The following DNAJC16 variants were observed in gnomAD, a reference collection of about 807,000 sequenced individuals.
DNAJC16 encodes DnaJ heat shock protein family (Hsp40) member C16, also known as dnaJ homolog subfamily C member 16.
Under a neutral mutation model 92.7 loss-of-function variants are expected in DNAJC16, and 76 were observed. The ratio of observed to expected loss-of-function variants is 0.82; its 90% confidence interval spans 0.68 to 0.99. The LOEUF (loss-of-function observed/expected upper bound fraction) is 0.99. Among genes scored for constraint, DNAJC16 ranks in the 50% least tolerant of loss-of-function variants. The pLI is 0.00. For missense variants in DNAJC16, 869 were observed against 942.4 expected, an observed-to-expected ratio of 0.92 and a Z score of 1.02; for synonymous variants, 328 against 358.7, an observed-to-expected ratio of 0.91 and a Z score of 0.97.
chr1:15,546,635 A>G, intron 5 of DNAJC16, 132 bp from the exon 6 acceptor site: 1 of 656,298 alleles, frequency 1.5e-6, no homozygotes, highest in Non-Finnish European at 2.6e-6. Context: ...GAAGACAAAA[A>G]GATTAGTTAT....
intron 1 of DNAJC16, among the ~76,000 whole-genome samples, chr1:15,527,972 A>G (rs1710559587): frequency 6.6e-6 from 1 of 152,246 alleles, no homozygotes; most frequent in African/African-American, 2.4e-5. Context: ...TTAACCAGCC[A>G]GGATTATTTC....
chr1:15,535,640 T>C (rs1277201381), intron 3 of DNAJC16, among the ~76,000 whole-genome samples: 1 of 152,076 alleles, frequency 6.6e-6, no homozygotes, highest in Non-Finnish European at 1.5e-5. Flanking sequence ...GAGGCTGAGA[T>C]GGAAGGTTGA....
chr1:15,560,004 G>C (rs186464834), intron 8 of DNAJC16: 1 of 156,002 alleles, frequency 6.4e-6, no homozygotes, highest in African/African-American at 2.4e-5. Context: ...CAGAGGTTGC[G>C]GTGAGCCGAG....
Position 15,562,331 on chromosome 1 carries a change from CCA to C in DNAJC16, c.1338+9_1338+10del, listed in dbSNP as rs773314670. ...CGTTTCAAGGGAAATCAGCGGTAAG[CCA>C]CAGAGTCTCTCCTCATCCCAGGCTC... On this transcript the variant is annotated splice_region_variant and intron_variant, in intron 9 of 14. Coordinates refer to ENST00000375847, the MANE Select transcript of DNAJC16 (RefSeq NM_015291.4). 6.2e-7 allele frequency: 1 copy of C among 1,610,264 alleles called. No homozygotes were observed. Among genetic ancestry groups the C allele is most frequent in the East Asian group, 2.2e-5 (1 of 44,792 alleles).
intron 1 of DNAJC16, 43 bp from the exon 2 acceptor site, chr1:15,529,045 A>G (rs943888714): frequency 6.4e-7 from 1 of 1,572,520 alleles, no homozygotes; most frequent in Admixed American, 1.7e-5. Context: ...AAGACTGTCC[A>G]GGTTTCTGCC....
chr1:15,548,162 A>C lies in DNAJC16; in HGVS notation c.865-108A>C. On this transcript the variant is annotated intron_variant, in intron 6 of 14. Transcript: ENST00000375847. ...TACGGAAGACCTAGTGGAGCTGTGT[A>C]AGCTGGCATGTACCTCTCTGCTCAG... is the stretch of plus-strand genomic sequence containing the variant. The C allele has an allele frequency of 4.7e-6, 5 of 1,063,576 alleles. No individual in the cohort carries two copies. In the South Asian group the frequency reaches 8.2e-5, roughly 18 times the overall value. 65.9% of individuals were successfully genotyped at this position (1,063,576 alleles called of 1,614,324 possible). A position where few individuals can be genotyped will look rare whatever the true frequency, so the allele number is the denominator to read the frequency against.
chr1:15,554,401 A>G (rs1638519692), intron 7 of DNAJC16, among the ~76,000 whole-genome samples: 1 of 152,030 alleles, frequency 6.6e-6, no homozygotes, highest in Non-Finnish European at 1.5e-5. Flanking sequence ...TTCCTTTGTG[A>G]TTGGTTCTTC....
chr1:15,544,399 G>A lies in DNAJC16; in HGVS notation c.575G>A (p.Gly192Asp), dbSNP rs553164105. The change falls in exon 5 of 15, where the codon GGT becomes GAT. Residue 192 changes from glycine to aspartate, a missense_variant and splice_region_variant. Gly to Asp is a moderately conservative substitution (Grantham distance 94). Transcript: ENST00000375847. Reference sequence around the variant, plus strand: ...CATTTGGATCTTCCATTCTTTTCAGGTGTAGGAATTGGCGTGGTCCATGCT... The same window carrying A: ...CATTTGGATCTTCCATTCTTTTCAGATGTAGGAATTGGCGTGGTCCATGCT... The part of the protein sequence containing the change: ...KEVIQELEEL[G>D]VGIGVVHAGY... 2 of 1,608,188 alleles carry A rather than the reference G, an allele frequency of 1.2e-6. No individual in the cohort carries two copies. Among genetic ancestry groups the A allele is most frequent in the Admixed American group, 1.7e-5 (1 of 59,294 alleles).
At chr1:15,556,367 G>T (rs1463184262) in intron 7 of DNAJC16, among the ~76,000 whole-genome samples, 1 of 152,092 alleles carries the variant, frequency 6.6e-6, no homozygotes. Context: ...CTCCTGAGTA[G>T]CTGGGATTAC....
At chr1:15,528,955 C>A in intron 1 of DNAJC16, 133 bp from the exon 2 acceptor site, 1 of 670,570 alleles carries the variant, frequency 1.5e-6, no homozygotes, top group Non-Finnish European at 2.4e-6. Context: ...TACAGTTCAA[C>A]AGCTTGACAC....
chr1:15,565,434 A>G (rs1638786175), intron 11 of DNAJC16: 1 of 165,468 alleles, frequency 6.0e-6, no homozygotes, highest in South Asian at 1.6e-4. Context: ...CTGACAAATG[A>G]CAGCCTTTGA....
intron 1 of DNAJC16, among the ~76,000 whole-genome samples, chr1:15,528,504 G>C (rs1710575872): frequency 6.6e-6 from 1 of 152,168 alleles, no homozygotes. Context: ...TGTTTGAATG[G>C]TGTGGTGAGA....
intron 9 of DNAJC16, among the ~76,000 whole-genome samples, chr1:15,562,975 G>T (rs1014212379): frequency 4.0e-5 from 6 of 149,158 alleles, no homozygotes; most frequent in Admixed American, 1.4e-4. Context: ...TAGGCCACTG[G>T]TAATGTGCTC....
At chr1:15,546,915 CTTTTTTTT>C (rs76961003) in intron 6 of DNAJC16, 44 bp downstream of exon 6, 5 of 906,230 alleles carry the variant, frequency 5.5e-6, no homozygotes, top group East Asian at 2.9e-5. Flanking sequence ...CTTTTCTTTT[CTTTTTTTT>C]TTTTTTTTTT....
chr1:15,532,280 G>A (rs940329853), intron 2 of DNAJC16, among the ~76,000 whole-genome samples: 3 of 152,040 alleles, frequency 2.0e-5, no homozygotes, highest in South Asian at 4.2e-4. Flanking sequence ...GATACTACAC[G>A]CAATATTTCC....
At chr1:15,544,606 A>G in intron 5 of DNAJC16, 23 bp downstream of exon 5, 2 of 1,611,670 alleles carry the variant, frequency 1.2e-6, no homozygotes, top group Non-Finnish European at 1.7e-6. Flanking sequence ...CAAGGAAACT[A>G]TGGCTGAGAA....
rs780414702 is a variant in DNAJC16 at position 15,568,927 on chromosome 1, GT to G, written c.*751del. Reference sequence around the variant, plus strand: ...AGCGCTGCTGGTAGCCAGGGGAGGGGTCTGCACAGCGAGAAGTACTGTGATG... The same window carrying G: ...AGCGCTGCTGGTAGCCAGGGGAGGGGCTGCACAGCGAGAAGTACTGTGATG... On this transcript the variant is annotated 3_prime_UTR_variant, in exon 15 of 15. Transcript: ENST00000375847. 32 of 385,590 alleles carry G rather than the reference GT, an allele frequency of 8.3e-5. No individual in the cohort carries two copies. The highest frequency in any genetic ancestry group is 1.1e-4 in the Non-Finnish European group (24 of 217,834). The allele number at this position is 385,590 out of a possible 1,614,324, so 23.9% of individuals were successfully genotyped here. A position where few individuals can be genotyped will look rare whatever the true frequency, so the allele number is the denominator to read the frequency against.
intron 5 of DNAJC16, among the ~76,000 whole-genome samples, chr1:15,546,376 C>T (rs1268140283): frequency 2.0e-5 from 3 of 151,938 alleles, no homozygotes; most frequent in Admixed American, 2.0e-4. Flanking sequence ...GAGACTGAGG[C>T]ATGATAGATA....
intron 11 of DNAJC16, among the ~76,000 whole-genome samples, 165 bp downstream of exon 11, chr1:15,564,524 T>C (rs1320548244): frequency 1.3e-5 from 2 of 150,760 alleles, no homozygotes; most frequent in African/African-American, 4.9e-5. Context: ...TTTCAGTAAC[T>C]TCCCTTTTTT....
Sources: allele counts gnomAD v4.1 joint callset (sites outside exome capture counted in the v4.1 genomes callset), GRCh38; gene constraint gnomAD v4.1.1; transcripts MANE v1.5; gene names NCBI Gene and HGNC (gene_info 2026-07-23, HGNC 2026-07-21).